IARS1: variants seen among roughly 807,000 people sequenced by gnomAD.
The protein encoded by IARS1 is isoleucine--tRNA ligase, cytoplasmic.
A neutral mutation model predicts 168.2 loss-of-function variants in IARS1; 124 were observed. The observed-to-expected ratio is 0.74, with a 90% CI of 0.64 to 0.86. IARS1 has a LOEUF of 0.86. Ranked by LOEUF, IARS1 falls within the 40% of genes least tolerant of loss-of-function variation. The probability of loss-of-function intolerance (pLI) is 0.00; values close to 1 mark genes in which losing one functional copy is unlikely to be tolerated. For missense variants in IARS1, 1,452 were observed against 1,515.8 expected, an observed-to-expected ratio of 0.96 and a Z score of 0.70; for synonymous variants, 532 against 529.4, an observed-to-expected ratio of 1.00 and a Z score of -0.07.
At chr9:92,285,962 T>C (rs888794986) in intron 5 of IARS1, 123 bp from the exon 6 acceptor site, 4 of 622,876 alleles carry the variant, frequency 6.4e-6, no homozygotes, top group Middle Eastern at 2.8e-4. Context: ...ATGTCTTTCA[T>C]TGGGAGACTG....
chr9:92,274,869 T>C (rs1833574353), intron 9 of IARS1, among the ~76,000 whole-genome samples: 3 of 152,302 alleles, frequency 2.0e-5, no homozygotes, highest in South Asian at 2.1e-4. Context: ...CCCTAAATTG[T>C]TCACTTCCTG....
In IARS1 at chr9:92,274,461, T is replaced by C. The variant is rs1304493945; in HGVS notation, c.955A>G (p.Thr319Ala). 2 of 1,613,880 alleles carry C rather than the reference T, an allele frequency of 1.2e-6. No individual in the cohort carries two copies. Among genetic ancestry groups the C allele is most frequent in the African/African-American group, 2.7e-5 (2 of 74,924 alleles). ...TAAGGAGCTTGGTGGACAACCCCTG[T>C]GCCTTCTTCTTCCTTCACATAGTTG... ...VDNYVKEEEGTGVVHQAPYFG... is the reference protein window; with the variant it reads ...VDNYVKEEEGAGVVHQAPYFG... The change falls in exon 10 of 34, where the codon ACA becomes GCA. Residue 319 changes from threonine (T) to alanine (A), a missense_variant. Transcript: ENST00000443024.
At chr9:92,214,914 C>G (rs180826142) in intron 33 of IARS1, among the ~76,000 whole-genome samples, 1 of 152,258 alleles carries the variant, frequency 6.6e-6, no homozygotes, top group Non-Finnish European at 1.5e-5. Context: ...TTGGGTGGAG[C>G]CCACCACAGC....
chr9:92,231,147 CTTTG>C (rs1826617069), intron 30 of IARS1, among the ~76,000 whole-genome samples: 2 of 152,214 alleles, frequency 1.3e-5, no homozygotes, highest in South Asian at 2.1e-4. Flanking sequence ...CTTTAAAACT[CTTTG>C]TTTAATGTTT....
chr9:92,243,629 A>G (rs1828768773), intron 27 of IARS1, among the ~76,000 whole-genome samples: 3 of 152,112 alleles, frequency 2.0e-5, no homozygotes, highest in Admixed American at 6.5e-5. Context: ...CTAAGAAGTA[A>G]TATCAACTCT....
intron 33 of IARS1, among the ~76,000 whole-genome samples, chr9:92,216,908 C>G (rs1401073390): frequency 6.6e-6 from 1 of 150,532 alleles, no homozygotes; most frequent in Non-Finnish European, 1.5e-5. Context: ...GAACTCAGCT[C>G]TGCACCAAGC....
chr9:92,231,545 C>G (rs1453740574), intron 30 of IARS1, among the ~76,000 whole-genome samples: 1 of 150,210 alleles, frequency 6.7e-6, no homozygotes, highest in Admixed American at 6.6e-5. Context: ...TCTCGAGTAG[C>G]TGGGATTACA....
chr9:92,274,590 T>C, intron 9 of IARS1, 69 bp from the exon 10 acceptor site: 1 of 1,112,054 alleles, frequency 9.0e-7, no homozygotes, highest in Non-Finnish European at 1.4e-6. Flanking sequence ...TTTGTAACAG[T>C]TTTTCCTAAG....
intron 6 of IARS1, among the ~76,000 whole-genome samples, chr9:92,283,289 T>C (rs144344740): frequency 1.9e-3 from 289 of 152,312 alleles, no homozygotes; most frequent in Non-Finnish European, 3.4e-3. Flanking sequence ...AAGCCTAAAA[T>C]ATTTAATTTG....
intron 29 of IARS1, among the ~76,000 whole-genome samples, chr9:92,241,471 G>A (rs918986728): frequency 6.6e-6 from 1 of 151,966 alleles, no homozygotes; most frequent in African/African-American, 2.4e-5. Flanking sequence ...TCAGCCTCCC[G>A]AGTAGCTGGG....
intron 29 of IARS1, among the ~76,000 whole-genome samples, chr9:92,241,395 G>A (rs978589476): frequency 6.6e-6 from 1 of 151,878 alleles, no homozygotes; most frequent in Non-Finnish European, 1.5e-5. Context: ...GCCCAGGATC[G>A]AGTGCAGTGA....
chr9:92,228,949 C>A, intron 31 of IARS1, 52 bp downstream of exon 31: 1 of 1,605,918 alleles, frequency 6.2e-7, no homozygotes. Context: ...TTAAGACCTT[C>A]ACCAATCCAT....
chr9:92,234,993 G>A lies in IARS1; in HGVS notation c.3283+5863C>T, dbSNP rs375365274. ...TGAGTAGCTGGGAGTACAGGTGACCGCCATCACACCTAATTCTTTATATTT... is the reference window on the plus strand; with the variant it reads ...TGAGTAGCTGGGAGTACAGGTGACCACCATCACACCTAATTCTTTATATTT... On this transcript the variant is annotated intron_variant, in intron 30 of 33. Transcript: ENST00000443024. Among the ~76,000 whole-genome samples the A allele has an allele frequency of 1.4e-4, 21 of 151,992 alleles. No homozygotes were observed. The East Asian group carries it at 2.1e-3, about 15-fold the overall frequency.
intron 30 of IARS1, among the ~76,000 whole-genome samples, chr9:92,232,571 G>T (rs1826885032): frequency 6.6e-6 from 1 of 152,188 alleles, no homozygotes; most frequent in Non-Finnish European, 1.5e-5. Flanking sequence ...AAACAGAAGG[G>T]TATGAGAAAG....
At chr9:92,231,215 CTAAG>C (rs749487485) in intron 30 of IARS1, among the ~76,000 whole-genome samples, 11 of 152,144 alleles carry the variant, frequency 7.2e-5, no homozygotes, top group South Asian at 2.1e-4. Flanking sequence ...CTTTGGCCAC[CTAAG>C]TAAGTAACCT....
rs547480069 is a variant in IARS1, at chr9:92,214,411, G to A, written c.3707-3522C>T. ...TCTCTACTAAAATTACAAAAATTGG[G>A]GGAGGAGCCAAGATGGCCAAATAGG... On this transcript the variant is annotated intron_variant, in intron 33 of 33. Transcript: ENST00000443024. Among the ~76,000 whole-genome samples, 5 of 152,120 alleles carry A rather than the reference G, an allele frequency of 3.3e-5. No individual in the cohort carries two copies. In the East Asian group the frequency reaches 7.8e-4, roughly 24 times the overall value.
At position 92,269,968 on chromosome 9, in the gene IARS1, T is replaced by G. The variant is rs1486976520; in HGVS notation, c.1221A>C (p.Leu407=). The G allele has an allele frequency of 6.2e-7, 1 of 1,612,662 alleles. No homozygotes were observed. Among genetic ancestry groups the G allele is most frequent in the Admixed American group, 1.7e-5 (1 of 60,010 alleles). Residue 407 remains leucine (L), a synonymous_variant, in exon 13 of 34, where the codon CTA becomes CTC. Coordinates refer to ENST00000443024, the MANE Select transcript of IARS1 (RefSeq NM_002161.6). ...ACCAGCTGGGCACTGCTTTGTAAATTAGAGGAGTGTCTGATCTGGGGAAGC... is the reference window on the plus strand; with the variant it reads ...ACCAGCTGGGCACTGCTTTGTAAATGAGAGGAGTGTCTGATCTGGGGAAGC... The part of the protein sequence containing the change: ...YPFCWRSDTP[L]IYKAVPSWFV...
rs1829388410 is a variant in IARS1, at chr9:92,247,511, T to C, written c.2657A>G (p.Asn886Ser). The change falls in exon 26 of 34, where the codon AAC (asparagine) becomes AGC (serine). Residue 886 changes from asparagine to serine, a missense_variant. Coordinates refer to ENST00000443024, the MANE Select transcript of IARS1 (RefSeq NM_002161.6). ...VRKVTLSTDK[N>S]KYGIRLRAEP... Reference sequence around the variant, plus strand: ...TGCCCTTAGCCGAATGCCATACTTGTTTTTATCTGTAGACAGTGTAACTTT... The same window carrying C: ...TGCCCTTAGCCGAATGCCATACTTGCTTTTATCTGTAGACAGTGTAACTTT... 1 of 1,614,056 alleles carries C rather than the reference T, an allele frequency of 6.2e-7. No individual in the cohort carries two copies.
intron 4 of IARS1, 147 bp from the exon 5 acceptor site, chr9:92,286,765 A>G: frequency 3.9e-6 from 2 of 512,820 alleles, no homozygotes; most frequent in South Asian, 3.3e-5. Context: ...TGCCAACAAC[A>G]TATTATGTAA....
Sources: allele counts gnomAD v4.1 joint callset (sites outside exome capture counted in the v4.1 genomes callset), GRCh38; gene constraint gnomAD v4.1.1; transcripts MANE v1.5; gene names NCBI Gene and HGNC (gene_info 2026-07-23, HGNC 2026-07-21).